KLHL31: variants seen among roughly 807,000 people sequenced by gnomAD.
KLHL31 encodes kelch-like protein 31.
A neutral mutation model predicts 47.1 loss-of-function variants in KLHL31; 32 were observed. The ratio of observed to expected loss-of-function variants is 0.68; its 90% CI spans 0.51 to 0.91. KLHL31 has a LOEUF of 0.91. KLHL31 is among the 40% of genes least tolerant of loss of function. The probability of loss-of-function intolerance (pLI) is 0.00; values close to 1 mark genes in which losing one functional copy is unlikely to be tolerated. For synonymous variants in KLHL31, 330 were observed against 325.1 expected, an observed-to-expected ratio of 1.01 and a Z score of -0.16; for missense variants, 797 against 819.3, an observed-to-expected ratio of 0.97 and a Z score of 0.33.
intron 1 of KLHL31, among the ~76,000 whole-genome samples, chr6:53,656,086 T>C (rs949755453): frequency 6.6e-6 from 1 of 152,200 alleles, no homozygotes; most frequent in African/African-American, 2.4e-5. Flanking sequence ...TTATTTGCAG[T>C]AGCAATGAAA....
chr6:53,658,698 C>T (rs921411225), intron 1 of KLHL31, among the ~76,000 whole-genome samples: 2 of 151,952 alleles, frequency 1.3e-5, no homozygotes, highest in African/African-American at 4.8e-5. Context: ...ACTTTGTGAT[C>T]CGAATAGAAT....
At chr6:53,656,878 A>G (rs1764567919) in intron 1 of KLHL31, among the ~76,000 whole-genome samples, 1 of 151,890 alleles carries the variant, frequency 6.6e-6, no homozygotes, top group Non-Finnish European at 1.5e-5. Flanking sequence ...GCCATGAAAC[A>G]AAACTGACTC....
At chr6:53,654,072 A>C in intron 2 of KLHL31, 29 bp downstream of exon 2, 1 of 1,543,376 alleles carries the variant, frequency 6.5e-7, no homozygotes, top group Non-Finnish European at 8.8e-7. Context: ...ATATTGAGCC[A>C]TTTCAGTTCC....
rs773686249 is a variant in KLHL31 at position 53,654,760 on chromosome 6, A to G, written c.513T>C (p.Asn171=). 1.9e-6 allele frequency: 3 copies of G among 1,614,042 alleles called. No homozygotes were observed. The African/African-American group carries it at 4.0e-5, about 22-fold the overall frequency. The change falls in exon 2 of 3, where the codon AAT becomes AAC. Residue 171 remains asparagine, a synonymous_variant. Coordinates refer to ENST00000370905, the MANE Select transcript of KLHL31 (RefSeq NM_001003760.5). Reference sequence around the variant, plus strand: ...CAGCAATATTAACAACATACATGCAATTCTCAACACTCATCTCCCGTATCA... The same window carrying G: ...CAGCAATATTAACAACATACATGCAGTTCTCAACACTCATCTCCCGTATCA... ...DFLIREMSVE[N]CMYVVNIAET... is the part of the protein sequence containing the mutation.
Position 53,649,942 on chromosome 6 carries a change from G to A in KLHL31, c.*1656C>T, listed in dbSNP as rs1581785264. On this transcript the variant is annotated 3_prime_UTR_variant, in exon 3 of 3. Coordinates refer to ENST00000370905, the MANE Select transcript of KLHL31 (RefSeq NM_001003760.5). ...CAGCGTTTGTAGCCCTTACCTGAGT[G>A]TTATCATTAAATATCCAGAGATTGA... 6.6e-6 allele frequency: 1 copy of A among 152,158 alleles called. No homozygotes were observed. Among genetic ancestry groups the A allele is most frequent in the East Asian group, 1.9e-4 (1 of 5,194 alleles). The allele number at this position is 152,158 out of a possible 1,614,324, so 9.4% of individuals were successfully genotyped here. A position where few individuals can be genotyped will look rare whatever the true frequency, so the allele number is the denominator to read the frequency against.
intron 1 of KLHL31, 34 bp from the exon 2 acceptor site, chr6:53,655,339 T>G: frequency 8.8e-7 from 1 of 1,131,776 alleles, no homozygotes; most frequent in East Asian, 2.5e-5. Context: ...TGGTTTTGTT[T>G]TAATTGTGCT....
chr6:53,654,761 T>C lies in KLHL31; in HGVS notation c.512A>G (p.Asn171Ser), dbSNP rs1472833595. The change falls in exon 2 of 3, where the codon AAT becomes AGT. Residue 171 changes from asparagine to serine, a missense_variant. Physicochemically the swap from Asn to Ser is conservative, Grantham distance 46 (BLOSUM62 1). Coordinates refer to ENST00000370905, the MANE Select transcript of KLHL31 (RefSeq NM_001003760.5). ...DFLIREMSVE[N>S]CMYVVNIAET... ...AGCAATATTAACAACATACATGCAA[T>C]TCTCAACACTCATCTCCCGTATCAG... The C allele has an allele frequency of 6.2e-7, 1 of 1,614,168 alleles. No homozygotes were observed. Among genetic ancestry groups the C allele is most frequent in the Non-Finnish European group, 8.5e-7 (1 of 1,180,044 alleles).
intron 2 of KLHL31, 99 bp from the exon 3 acceptor site, chr6:53,652,429 C>CA: frequency 6.7e-7 from 1 of 1,490,998 alleles, no homozygotes; most frequent in South Asian, 1.2e-5. Context: ...ACTACCCCTG[C>CA]AAGGAGGCGA....
rs1468258603 is a variant in KLHL31 at position 53,660,919 on chromosome 6, CATG to C, written c.-34+4679_-34+4681del. On this transcript the variant is annotated intron_variant, in intron 1 of 2. Transcript: ENST00000370905. ...AAATTCAGTCTTTCTTTAGAGCTAC[CATG>C]ATATCTCATTGCCGGGTCTGCAACT... Among the ~76,000 whole-genome samples the C allele has an allele frequency of 5.3e-5, 8 of 152,278 alleles. No individual in the cohort carries two copies. In the East Asian group the frequency reaches 1.5e-3, roughly 29 times the overall value.
chr6:53,663,386 C>T (rs80266377), intron 1 of KLHL31, among the ~76,000 whole-genome samples: 1,776 of 152,218 alleles, frequency 0.012, 56 homozygotes, highest in East Asian at 0.1. Flanking sequence ...GGGGACACAT[C>T]GATCCTGTGG....
intron 1 of KLHL31, among the ~76,000 whole-genome samples, chr6:53,665,043 A>T (rs1184256581): frequency 2.7e-5 from 4 of 149,526 alleles, no homozygotes; most frequent in Non-Finnish European, 6.0e-5. Flanking sequence ...GCCAAATAAC[A>T]AATTTTTTTT....
intron 2 of KLHL31, among the ~76,000 whole-genome samples, chr6:53,653,534 C>G (rs376361684): frequency 1.1e-4 from 17 of 152,080 alleles, no homozygotes; most frequent in Admixed American, 9.8e-4. Context: ...CTCTTTTACT[C>G]TTTTCTGTAT....
chr6:53,653,695 T>C (rs1350234642), intron 2 of KLHL31, among the ~76,000 whole-genome samples: 1 of 152,238 alleles, frequency 6.6e-6, no homozygotes, highest in Admixed American at 6.5e-5. Context: ...CATTTTGTAT[T>C]ATTCTATTCT....
At position 53,652,200 on chromosome 6, in the gene KLHL31, A is replaced by C. The variant is rs1764485114; in HGVS notation, c.1303T>G (p.Ser435Ala). The change falls in exon 3 of 3, where the codon TCG becomes GCG. Residue 435 changes from serine to alanine, a missense_variant. Ser to Ala is a moderately conservative substitution (Grantham distance 99). Transcript: ENST00000370905. ...GTGGAGGGCACGTAGCACTCCAGCG[A>C]GGCCAGGCTTCCTTCTGCGTTGCGG... Reference protein sequence around the residue: ...GGRNAEGSLASLECYVPSTNQ... With the variant: ...GGRNAEGSLAALECYVPSTNQ... 5 of 1,612,642 alleles carry C rather than the reference A, an allele frequency of 3.1e-6. No individual in the cohort carries two copies. Among genetic ancestry groups the C allele is most frequent in the Non-Finnish European group, 4.2e-6 (5 of 1,180,018 alleles).
At chr6:53,656,931 C>CTTTTTTTT (rs10665063) in intron 1 of KLHL31, among the ~76,000 whole-genome samples, 3,594 of 98,322 alleles carry the variant, frequency 0.037, 305 homozygotes, top group Non-Finnish European at 0.054. Flanking sequence ...GTATTTTTAA[C>CTTTTTTTT]TTTTTTTTTT....
At chr6:53,652,829 G>T (rs558930699) in intron 2 of KLHL31, among the ~76,000 whole-genome samples, 2 of 152,202 alleles carry the variant, frequency 1.3e-5, no homozygotes, top group South Asian at 4.1e-4. Flanking sequence ...TGACTGACTG[G>T]ATTTCTCCAT....
intron 2 of KLHL31, 54 bp downstream of exon 2, chr6:53,654,047 G>A: frequency 7.1e-7 from 1 of 1,412,594 alleles, no homozygotes; most frequent in South Asian, 1.4e-5. Flanking sequence ...TCTATGTTAG[G>A]GCTATTTCCC....
chr6:53,654,519 C>T lies in KLHL31; in HGVS notation c.754G>A (p.Ala252Thr), dbSNP rs1285403251. Residue 252 changes from alanine to threonine, a missense_variant, in exon 2 of 3, where the codon GCA (alanine) becomes ACA (threonine). Ala to Thr is a moderately conservative substitution (Grantham distance 58, BLOSUM62 0). Transcript: ENST00000370905. Reference protein sequence around the residue: ...EFDQKRVKYAADLLSNIRFGT... With the variant: ...EFDQKRVKYATDLLSNIRFGT... ...AAGCGAATATTGCTCAAAAGATCTG[C>T]AGCGTATTTTACTCTCTTTTGGTCA... 3 of 1,614,178 alleles carry T rather than the reference C, an allele frequency of 1.9e-6. No individual in the cohort carries two copies. The highest frequency in any genetic ancestry group is 2.5e-6 in the Non-Finnish European group (3 of 1,180,042).
Position 53,651,840 on chromosome 6 carries a change from C to T in KLHL31, c.1663G>A (p.Val555Met). The T allele has an allele frequency of 6.2e-7, 1 of 1,608,496 alleles. No homozygotes were observed. Among genetic ancestry groups the T allele is most frequent in the Non-Finnish European group, 8.5e-7 (1 of 1,179,608 alleles). Residue 555 changes from valine (V) to methionine (M), a missense_variant, in exon 3 of 3, where the codon GTG becomes ATG. Coordinates refer to ENST00000370905, the MANE Select transcript of KLHL31 (RefSeq NM_001003760.5). Reference protein sequence around the residue: ...WSYAAPLQVGVSTAGVSALHG... With the variant: ...WSYAAPLQVGMSTAGVSALHG... The stretch of plus-strand genomic sequence containing the variant: ...AGCGCCGAGACGCCCGCAGTGCTCA[C>T]TCCCACCTGCAGCGGCGCCGCGTAG...
Sources: gnomAD v4.1 joint callset for allele counts (sites outside exome capture counted in the v4.1 genomes callset) on GRCh38, gnomAD v4.1.1 for gene constraint, MANE v1.5 for transcripts, NCBI Gene and HGNC (gene_info 2026-07-23, HGNC 2026-07-21) for gene names.